CNBD1: variants seen among roughly 807,000 people sequenced by gnomAD.
The protein encoded by CNBD1 is cyclic nucleotide-binding domain-containing protein 1.
Under a neutral mutation model 54.4 loss-of-function variants are expected in CNBD1, and 71 were observed. The ratio of observed to expected loss-of-function variants is 1.30; its 90% confidence interval spans 1.08 to 1.59. The LOEUF (loss-of-function observed/expected upper bound fraction) is 1.59, where lower values mean the gene tolerates loss of function less well. CNBD1 is among the 40% of genes most tolerant of loss of function. CNBD1 has a pLI of 0.00. For missense variants in CNBD1, 659 were observed against 518.0 expected (o/e 1.27, Z -2.64); for synonymous variants, 182 against 170.7 (o/e 1.07, Z -0.51).
intron 4 of CNBD1, chr8:87,044,725 C>G (rs1033608782): frequency 6.6e-6 from 1 of 152,128 alleles, no homozygotes; most frequent in Non-Finnish European, 1.5e-5. Flanking sequence ...AGGTCAGTTC[C>G]CCTCCCCTTC....
In CNBD1 at chr8:87,206,105, G is replaced by C; in HGVS notation, c.544G>C (p.Val182Leu). 6.3e-7 allele frequency: 1 copy of C among 1,589,654 alleles called. No individual in the cohort carries two copies. Among genetic ancestry groups the C allele is most frequent in the Non-Finnish European group, 8.5e-7 (1 of 1,169,808 alleles). The change falls in exon 5 of 11, where the codon GTC becomes CTC. Residue 182 changes from valine to leucine, a missense_variant. Physicochemically the swap from Val to Leu is conservative, Grantham distance 32. Coordinates refer to ENST00000518476, the MANE Select transcript of CNBD1 (RefSeq NM_173538.3). ...GCATCTGAAAACACTTAGTAAGACT[G>C]TCTTTTCCGAAACCTGGTTGAAAGG... ...DKHLKTLSKTVFSETWLKGST... is the reference protein window; with the variant it reads ...DKHLKTLSKTLFSETWLKGST...
At chr8:86,989,507 G>C (rs1411814509) in intron 4 of CNBD1, among the ~76,000 whole-genome samples, 1 of 152,016 alleles carries the variant, frequency 6.6e-6, no homozygotes, top group Non-Finnish European at 1.5e-5. Context: ...CTAGAGTGCA[G>C]TGGCACGATC....
At chr8:87,217,695 A>G (rs1814242640) in intron 5 of CNBD1, among the ~76,000 whole-genome samples, 1 of 151,804 alleles carries the variant, frequency 6.6e-6, no homozygotes, top group South Asian at 2.1e-4. Context: ...GATATTTATT[A>G]TCAGAAAGAA....
At chr8:86,998,977 C>T (rs1209461058) in intron 4 of CNBD1, among the ~76,000 whole-genome samples, 1 of 152,186 alleles carries the variant, frequency 6.6e-6, no homozygotes, top group African/African-American at 2.4e-5. Context: ...TTCCTCATCC[C>T]ATTTTTGACC....
intron 2 of CNBD1, among the ~76,000 whole-genome samples, chr8:87,404,887 G>A (rs77812272): frequency 0.016 from 2,431 of 152,030 alleles, 68 homozygotes; most frequent in African/African-American, 0.056. Flanking sequence ...TTTTAAAATG[G>A]CATCTTTGCT....
chr8:87,331,549 AT>A (rs1457605881), intron 8 of CNBD1, among the ~76,000 whole-genome samples: 1 of 152,184 alleles, frequency 6.6e-6, no homozygotes, highest in Non-Finnish European at 1.5e-5. Flanking sequence ...TTATAATAGA[AT>A]GATTTCTGTC....
intron 3 of CNBD1, among the ~76,000 whole-genome samples, chr8:86,927,825 T>C (rs973771903): frequency 1.2e-4 from 19 of 152,154 alleles, no homozygotes; most frequent in African/African-American, 4.1e-4. Context: ...TAGGAGCCTT[T>C]TGAGTCTGGG....
chr8:87,146,033 A>G (rs1812479719), intron 4 of CNBD1, among the ~76,000 whole-genome samples: 2 of 152,120 alleles, frequency 1.3e-5, no homozygotes, highest in African/African-American at 4.8e-5. Context: ...TTGACTCTGC[A>G]TTGGAAGGTG....
intron 8 of CNBD1, among the ~76,000 whole-genome samples, chr8:87,344,955 C>T (rs1423955148): frequency 3.3e-5 from 5 of 152,138 alleles, no homozygotes; most frequent in Admixed American, 1.3e-4. Flanking sequence ...AATATGATTA[C>T]AGAAACTGAA....
At chr8:87,421,341 G>A (rs1379618508) in intron 2 of CNBD1, among the ~76,000 whole-genome samples, 2 of 150,862 alleles carry the variant, frequency 1.3e-5, no homozygotes, top group Non-Finnish European at 2.9e-5. Context: ...AGTTACATAG[G>A]TATACATGTG....
At chr8:87,006,110 T>A (rs1809092377) in intron 4 of CNBD1, among the ~76,000 whole-genome samples, 1 of 152,160 alleles carries the variant, frequency 6.6e-6, no homozygotes, top group Non-Finnish European at 1.5e-5. Context: ...ATTTTGGAGT[T>A]GAGATGTACA....
intron 2 of CNBD1, among the ~76,000 whole-genome samples, chr8:86,897,975 T>C (rs566455766): frequency 5.9e-5 from 9 of 152,250 alleles, no homozygotes; most frequent in African/African-American, 2.2e-4. Context: ...GTGTTCATCA[T>C]TAGGGGAATA....
At chr8:86,976,463 A>G (rs187878558) in intron 4 of CNBD1, among the ~76,000 whole-genome samples, 1 of 152,036 alleles carries the variant, frequency 6.6e-6, no homozygotes, top group East Asian at 1.9e-4. Context: ...CCAGTTTTCT[A>G]AACACCATTT....
At chr8:87,321,838 A>T (rs1279312887) in intron 8 of CNBD1, among the ~76,000 whole-genome samples, 1 of 145,744 alleles carries the variant, frequency 6.9e-6, no homozygotes, top group Non-Finnish European at 1.5e-5. Context: ...GTTTTAGGGT[A>T]CATGTGCACA....
intron 8 of CNBD1, among the ~76,000 whole-genome samples, chr8:87,296,781 G>C (rs1444127884): frequency 6.6e-6 from 1 of 152,050 alleles, no homozygotes; most frequent in Non-Finnish European, 1.5e-5. Context: ...GTATCATGGT[G>C]TAATAATATA....
chr8:87,333,811 T>A (rs910386257), intron 8 of CNBD1, among the ~76,000 whole-genome samples: 5 of 152,170 alleles, frequency 3.3e-5, no homozygotes, highest in Non-Finnish European at 7.3e-5. Flanking sequence ...TTATCAGGGA[T>A]ATTGGCCTGA....
intron 4 of CNBD1, among the ~76,000 whole-genome samples, chr8:87,023,823 GTTAT>G (rs1809539586): frequency 1.3e-5 from 2 of 152,152 alleles, no homozygotes; most frequent in Admixed American, 6.5e-5. Context: ...CTTAGAAAGT[GTTAT>G]TTGAGTTACA....
At chr8:86,890,998 A>G (rs7817868) in intron 2 of CNBD1, among the ~76,000 whole-genome samples, 76,314 of 151,040 alleles carry the variant, frequency 0.51, 19,404 homozygotes, top group South Asian at 0.58. Context: ...TTAATTCCTT[A>G]TTTGATATAT....
chr8:87,415,442 T>A (rs1586088710), intron 2 of CNBD1, among the ~76,000 whole-genome samples: 1 of 152,168 alleles, frequency 6.6e-6, no homozygotes, highest in East Asian at 1.9e-4. Flanking sequence ...AAATTTTATC[T>A]ACTGGTGAAA....
Sources: allele counts gnomAD v4.1 joint callset (sites outside exome capture counted in the v4.1 genomes callset), GRCh38; gene constraint gnomAD v4.1.1; transcripts MANE v1.5; gene names NCBI Gene and HGNC (gene_info 2026-07-23, HGNC 2026-07-21).